The following GAD1 variants were observed in gnomAD, a reference collection of about 807,000 sequenced individuals.
GAD1 encodes the protein glutamate decarboxylase 1, also known as 67 kDa glutamic acid decarboxylase.
Under a neutral mutation model 75.2 loss-of-function variants are expected in GAD1, and 35 were observed. The observed-to-expected ratio is 0.47, with a 90% CI of 0.36 to 0.62. The LOEUF (loss-of-function observed/expected upper bound fraction) is 0.62. Among genes scored for constraint, GAD1 ranks in the 20% least tolerant of loss-of-function variants. The pLI is 0.00. For missense variants in GAD1, 490 were observed against 758.5 expected, an observed-to-expected ratio of 0.65 and a Z score of 4.16; for synonymous variants, 257 against 271.9, an observed-to-expected ratio of 0.95 and a Z score of 0.54.
intron 6 of GAD1, among the ~76,000 whole-genome samples, chr2:170,838,235 G>A (rs572562514): frequency 1.3e-5 from 2 of 152,296 alleles, no homozygotes; most frequent in South Asian, 2.1e-4. Flanking sequence ...GACTGTCCAT[G>A]TTGGGTCACT....
At chr2:170,839,246 A>G (rs943262985) in intron 6 of GAD1, among the ~76,000 whole-genome samples, 7 of 152,256 alleles carry the variant, frequency 4.6e-5, no homozygotes, top group Non-Finnish European at 8.8e-5. Context: ...TATATTCCTC[A>G]GTCATAGCCT....
chr2:170,837,014 T>C, intron 6 of GAD1, 131 bp downstream of exon 6: 1 of 685,192 alleles, frequency 1.5e-6, no homozygotes, highest in Non-Finnish European at 2.6e-6. Flanking sequence ...ATCTTTAGGT[T>C]TATCACAGTT....
chr2:170,823,970 T>C (rs1373993498), intron 3 of GAD1, among the ~76,000 whole-genome samples: 5 of 152,130 alleles, frequency 3.3e-5, no homozygotes, highest in Non-Finnish European at 5.9e-5. Context: ...GTGCTTCTTA[T>C]GGGGACATAC....
chr2:170,851,279 A>G (rs1394430594), intron 12 of GAD1, among the ~76,000 whole-genome samples: 1 of 152,224 alleles, frequency 6.6e-6, no homozygotes, highest in Non-Finnish European at 1.5e-5. Context: ...AAGACATTTT[A>G]TGAGACCTAA....
intron 5 of GAD1, among the ~76,000 whole-genome samples, chr2:170,832,310 A>G (rs1294877525): frequency 6.6e-6 from 1 of 152,156 alleles, no homozygotes; most frequent in Admixed American, 6.5e-5. Context: ...ACCAGCTTCC[A>G]GGTGTTGTGG....
At chr2:170,834,066 C>T (rs796513503) in intron 5 of GAD1, among the ~76,000 whole-genome samples, 12 of 152,070 alleles carry the variant, frequency 7.9e-5, no homozygotes, top group African/African-American at 2.9e-4. Flanking sequence ...TATGAACCCA[C>T]TTAGGTACTT....
At chr2:170,823,105 G>A (rs1701933424) in intron 3 of GAD1, among the ~76,000 whole-genome samples, 1 of 152,182 alleles carries the variant, frequency 6.6e-6, no homozygotes, top group Non-Finnish European at 1.5e-5. Context: ...TAGCCTTATC[G>A]GGCCAGAAAA....
At chr2:170,839,509 G>A (rs1702454703) in intron 6 of GAD1, among the ~76,000 whole-genome samples, 1 of 151,976 alleles carries the variant, frequency 6.6e-6, no homozygotes, top group Admixed American at 6.6e-5. Context: ...AGCTACTCAG[G>A]AGGCTGAGGC....
rs201232271 is a variant in GAD1 at position 170,829,589 on chromosome 2, G to A, written c.260G>A (p.Arg87His). Residue 87 changes from arginine to histidine, a missense_variant, in exon 4 of 17, where the codon CGC (arginine) becomes CAC (histidine). By Grantham distance (29) the Arg-to-His change is conservative (BLOSUM62 0). Around this residue, in one of 3 missense-constraint regions of GAD1, gnomAD observed 165 missense variants for 216.4 expected, o/e 0.76. Coordinates refer to ENST00000358196, the MANE Select transcript of GAD1 (RefSeq NM_000817.3). ...TGTGAAAACAGCGACCGGGATGCCC[G>A]CTTCCGGCGCACAGAGACTGACTTC... ...LSCENSDRDARFRRTETDFSN... is the reference protein window; with the variant it reads ...LSCENSDRDAHFRRTETDFSN... 77 of 1,613,746 alleles carry A rather than the reference G, an allele frequency of 4.8e-5. No individual in the cohort carries two copies. The Middle Eastern group carries it at 5.1e-4, about 11-fold the overall frequency.
At chr2:170,848,637 G>A (rs1380798272) in intron 11 of GAD1, 2 of 501,096 alleles carry the variant, frequency 4.0e-6, no homozygotes, top group Non-Finnish European at 8.0e-6. Context: ...TCACATGTGT[G>A]ACTGGGTGTA....
chr2:170,821,974 T>C (rs990120964), intron 2 of GAD1, 113 bp from the exon 3 acceptor site: 1 of 913,388 alleles, frequency 1.1e-6, no homozygotes, highest in Non-Finnish European at 1.7e-6. Context: ...TAGCTTTTAA[T>C]GAAGAGCTCT....
At position 170,853,932 on chromosome 2, in the gene GAD1, G is replaced by A. The variant is rs1702798594; in HGVS notation, c.1323G>A (p.Gln441=). 6.2e-7 allele frequency: 1 copy of A among 1,614,100 alleles called. No individual in the cohort carries two copies. Among genetic ancestry groups the A allele is most frequent in the Non-Finnish European group, 8.5e-7 (1 of 1,180,002 alleles). The change falls in exon 14 of 17, where the codon CAG becomes CAA. Residue 441 remains glutamine, a synonymous_variant. Transcript: ENST00000358196. The surrounding 1 kb of genome is among the most constrained non-coding windows in gnomAD (Gnocchi z 4.1). ...CAGYLFQPDK[Q]YDVSYDTGDK... Reference sequence around the variant, plus strand: ...GATACCTCTTCCAGCCAGACAAGCAGTATGATGTCTCCTACGACACCGGGG... The same window carrying A: ...GATACCTCTTCCAGCCAGACAAGCAATATGATGTCTCCTACGACACCGGGG...
At position 170,816,977 on chromosome 2, in the gene GAD1, C is replaced by G; in HGVS notation, c.-135C>G. 5.1e-6 allele frequency: 1 copy of G among 195,056 alleles called. No homozygotes were observed. The highest frequency in any genetic ancestry group is 1.1e-5 in the Non-Finnish European group (1 of 95,146). 12.1% of individuals were successfully genotyped at this position (195,056 alleles called of 1,614,324 possible). ...CCGGGCAGATTACGCCTGTCAGGGCCGAGCCGAGCGGATCGCTGGGCGCTG... is the reference window on the plus strand; with the variant it reads ...CCGGGCAGATTACGCCTGTCAGGGCGGAGCCGAGCGGATCGCTGGGCGCTG... On this transcript the variant is annotated 5_prime_UTR_variant, in exon 1 of 17. Transcript: ENST00000358196.
At chr2:170,845,656 T>G (rs1185449057) in intron 8 of GAD1, 35 bp downstream of exon 8, 1 of 1,610,126 alleles carries the variant, frequency 6.2e-7, no homozygotes, top group African/African-American at 1.3e-5. Context: ...GATAGTGGTG[T>G]TTTTTAGGGG....
intron 5 of GAD1, among the ~76,000 whole-genome samples, chr2:170,832,791 C>T (rs1702275532): frequency 6.6e-6 from 1 of 152,210 alleles, no homozygotes. Context: ...TGAGGATGTC[C>T]TCTTGCCTCC....
chr2:170,836,960 G>T, intron 6 of GAD1, 77 bp downstream of exon 6: 2 of 1,004,196 alleles, frequency 2.0e-6, no homozygotes, highest in South Asian at 1.4e-5. Flanking sequence ...CAGTCCCAGT[G>T]GTTCTATTTT....
At chr2:170,814,482 T>C (rs1054098107), upstream of GAD1, among the ~76,000 whole-genome samples, 13 of 152,262 alleles carry the variant, frequency 8.5e-5, no homozygotes, top group Admixed American at 8.5e-4. Flanking sequence ...TTGGAGGAGA[T>C]CATTGAAAAT....
chr2:170,814,841 G>A (rs3762558), upstream of GAD1, among the ~76,000 whole-genome samples: 3,191 of 152,246 alleles, frequency 0.021, 239 homozygotes, highest in East Asian at 0.27. Context: ...AAAACGTTAG[G>A]GGTGTTTTGA....
intron 3 of GAD1, 177 bp from the exon 4 acceptor site, chr2:170,829,298 C>A: frequency 1.5e-6 from 1 of 682,742 alleles, no homozygotes. Context: ...TTTGGCACTG[C>A]CCCCCTCCCT....
Sources: allele counts gnomAD v4.1 joint callset (sites outside exome capture counted in the v4.1 genomes callset), GRCh38; gene constraint gnomAD v4.1.1; regional missense constraint gnomAD v4.1.1; non-coding constraint Gnocchi (gnomAD v3.1); transcripts MANE v1.5; gene names NCBI Gene and HGNC (gene_info 2026-07-23, HGNC 2026-07-21).